PCDHGB1: variants seen among roughly 807,000 people sequenced by gnomAD.
PCDHGB1 encodes the protein protocadherin gamma-B1.
A neutral mutation model predicts 56.6 loss-of-function variants in PCDHGB1; 34 were observed. The ratio of observed to expected loss-of-function variants is 0.60; its 90% CI spans 0.46 to 0.80. The LOEUF (loss-of-function observed/expected upper bound fraction) is 0.80, where lower values mean the gene tolerates loss of function less well. Ranked by LOEUF, PCDHGB1 falls within the 30% of genes least tolerant of loss-of-function variation. The probability of loss-of-function intolerance (pLI) is 0.00; values close to 1 mark genes in which losing one functional copy is unlikely to be tolerated. For missense variants in PCDHGB1, 1,278 were observed against 1,204.6 expected (o/e 1.06, Z -0.90); for synonymous variants, 561 against 505.9 (o/e 1.11, Z -1.46).
chr5:141,374,065 A>G (rs776038796), intron 1 of PCDHGB1: 1 of 1,497,724 alleles, frequency 6.7e-7, no homozygotes, highest in Non-Finnish European at 8.9e-7. Flanking sequence ...ATCCCAGAGA[A>G]GTTCCTAATA....
intron 2 of PCDHGB1, among the ~76,000 whole-genome samples, chr5:141,503,010 A>T (rs1595838084): frequency 6.8e-6 from 1 of 146,772 alleles, no homozygotes; most frequent in East Asian, 2.0e-4. Context: ...TGCCCGGTTA[A>T]TTTTTTTTTT....
At chr5:141,480,715 G>A (rs906358826) in intron 1 of PCDHGB1, among the ~76,000 whole-genome samples, 1 of 152,124 alleles carries the variant, frequency 6.6e-6, no homozygotes, top group African/African-American at 2.4e-5. Flanking sequence ...ACAAATGAAA[G>A]CACAGTCTCT....
At chr5:141,411,215 A>C (rs1202378654) in intron 1 of PCDHGB1, 1 of 152,270 alleles carries the variant, frequency 6.6e-6, no homozygotes, top group Non-Finnish European at 1.5e-5. Context: ...TAACCTATCT[A>C]TTCAAATTTG....
intron 1 of PCDHGB1, chr5:141,389,657 G>C (rs372714152): frequency 8.1e-6 from 13 of 1,612,432 alleles, no homozygotes; most frequent in African/African-American, 2.7e-5. Context: ...AGGTAGTGGC[G>C]GTGGACGCAG....
Position 141,351,237 on chromosome 5 carries a change from A to T in PCDHGB1, c.977A>T (p.His326Leu). 1 of 1,613,758 alleles carries T rather than the reference A, an allele frequency of 6.2e-7. No individual in the cohort carries two copies. The highest frequency in any genetic ancestry group is 8.5e-7 in the Non-Finnish European group (1 of 1,179,646). The change falls in exon 1 of 4, where the codon CAC becomes CTC. Residue 326 changes from histidine to leucine, a missense_variant. Coordinates refer to ENST00000523390, the MANE Select transcript of PCDHGB1 (RefSeq NM_018922.3). ...AAGGATGGAGGAGTACACACAGCTC[A>T]CTGTAATGTTCAAATAGAAATTGTT... ...EAKDGGVHTA[H>L]CNVQIEIVDE...
chr5:141,454,563 C>T (rs1056296059), intron 1 of PCDHGB1, among the ~76,000 whole-genome samples: 46 of 151,960 alleles, frequency 3.0e-4, no homozygotes, highest in Non-Finnish European at 4.9e-4. Context: ...TGTGCCACCA[C>T]GCCCGGCTAA....
chr5:141,390,446 G>A, intron 1 of PCDHGB1: 1 of 862,526 alleles, frequency 1.2e-6, no homozygotes, highest in Non-Finnish European at 1.7e-6. Context: ...CTACAAAGGA[G>A]GAGTAAAGTA....
chr5:141,432,964 G>A lies in PCDHGB1; in HGVS notation c.2410-61843G>A, dbSNP rs2097554835. On this transcript the variant is annotated intron_variant, in intron 1 of 3. Transcript: ENST00000523390. This position sits in a 1 kb window ranked among gnomAD's most constrained non-coding sequence, Gnocchi z 6.0. Reference sequence around the variant, plus strand: ...CTTCAGGAGGCGGCTTGACAGGAGCGCCGGCGTCGCACTTTGTGGGCGTGG... The same window carrying A: ...CTTCAGGAGGCGGCTTGACAGGAGCACCGGCGTCGCACTTTGTGGGCGTGG... The A allele has an allele frequency of 6.2e-7, 1 of 1,614,044 alleles. No homozygotes were observed. Among genetic ancestry groups the A allele is most frequent in the African/African-American group, 1.3e-5 (1 of 74,934 alleles).
intron 1 of PCDHGB1, among the ~76,000 whole-genome samples, chr5:141,469,206 A>T (rs752389937): frequency 6.6e-6 from 1 of 150,920 alleles, no homozygotes; most frequent in African/African-American, 2.4e-5. Flanking sequence ...AGCCTTTTGA[A>T]GTTGAGGCTT....
intron 1 of PCDHGB1, chr5:141,414,168 T>C: frequency 6.2e-7 from 1 of 1,605,598 alleles, no homozygotes; most frequent in Non-Finnish European, 8.5e-7. Context: ...GAGGAGCATA[T>C]CTTGCAACTG....
Position 141,432,093 on chromosome 5 carries a change from C to G in PCDHGB1, c.2410-62714C>G. On this transcript the variant is annotated intron_variant, in intron 1 of 3. Coordinates refer to ENST00000523390, the MANE Select transcript of PCDHGB1 (RefSeq NM_018922.3). This position sits in a 1 kb window ranked among gnomAD's most constrained non-coding sequence, Gnocchi z 6.0. ...CATATCTCGCTGAACGTGGCAGACA[C>G]CAACGACAACCCGCCGGTCTTCCCT... 1 of 1,614,170 alleles carries G rather than the reference C, an allele frequency of 6.2e-7. No individual in the cohort carries two copies. The highest frequency in any genetic ancestry group is 8.5e-7 in the Non-Finnish European group (1 of 1,180,046).
chr5:141,409,700 G>GCGGTGT (rs1561722150), intron 1 of PCDHGB1: 2 of 1,613,280 alleles, frequency 1.2e-6, no homozygotes, highest in Admixed American at 3.3e-5. Flanking sequence ...AGAGCCCCTG[G>GCGGTGT]CGGTGTCGTC....
intron 1 of PCDHGB1, chr5:141,359,935 G>A: frequency 4.3e-6 from 2 of 465,926 alleles, no homozygotes; most frequent in South Asian, 7.9e-5. Flanking sequence ...ACCTCTGAGC[G>A]TCGCTGTTGG....
intron 1 of PCDHGB1, among the ~76,000 whole-genome samples, chr5:141,492,148 G>C (rs2099737507): frequency 6.6e-6 from 1 of 152,202 alleles, no homozygotes; most frequent in Admixed American, 6.5e-5. Flanking sequence ...TGACTTCACT[G>C]TTACCCTCCC....
rs146734417 is a variant in PCDHGB1, at chr5:141,431,409, G to T, written c.2410-63398G>T. The T allele has an allele frequency of 1.9e-6, 3 of 1,613,722 alleles. No homozygotes were observed. Among genetic ancestry groups the T allele is most frequent in the Non-Finnish European group, 2.5e-6 (3 of 1,180,048 alleles). On this transcript the variant is annotated intron_variant, in intron 1 of 3. Transcript: ENST00000523390. This position sits in a 1 kb window ranked among gnomAD's most constrained non-coding sequence, Gnocchi z 4.8. Reference sequence around the variant, plus strand: ...CACCTGGTCCTTACGGCCTCCGACGGGGGCGACCCGGTGCGCACAGGCACC... The same window carrying T: ...CACCTGGTCCTTACGGCCTCCGACGTGGGCGACCCGGTGCGCACAGGCACC...
At chr5:141,510,358 C>T (rs186470331) in intron 3 of PCDHGB1, among the ~76,000 whole-genome samples, 187 of 144,062 alleles carry the variant, frequency 1.3e-3, no homozygotes, top group African/African-American at 4.6e-3. Context: ...ACTAACGGAA[C>T]TACCGAATCT....
rs1562144438 is a variant in PCDHGB1, at chr5:141,491,135, G to T, written c.2410-3672G>T. The T allele has an allele frequency of 6.2e-7, 1 of 1,613,986 alleles. No individual in the cohort carries two copies. Among genetic ancestry groups the T allele is most frequent in the Non-Finnish European group, 8.5e-7 (1 of 1,180,000 alleles). On this transcript the variant is annotated intron_variant, in intron 1 of 3. Transcript: ENST00000523390. This position sits in a 1 kb window ranked among gnomAD's most constrained non-coding sequence, Gnocchi z 6.9. ...CACACTGGTGAGGTGCGCACAGCCC[G>T]GGCCTTACTGGAGGATGACTCTGAC...
At chr5:141,451,712 C>G (rs769620335) in intron 1 of PCDHGB1, among the ~76,000 whole-genome samples, 2 of 151,994 alleles carry the variant, frequency 1.3e-5, no homozygotes, top group African/African-American at 4.8e-5. Context: ...CAAAACCCTG[C>G]CTCTACTAAA....
In PCDHGB1 at chr5:141,489,423, C is replaced by A. The variant is rs754178145; in HGVS notation, c.2410-5384C>A. 7.4e-6 allele frequency: 12 copies of A among 1,613,982 alleles called. No homozygotes were observed. Among genetic ancestry groups the A allele is most frequent in the Non-Finnish European group, 1.0e-5 (12 of 1,180,044 alleles). On this transcript the variant is annotated intron_variant, in intron 1 of 3. Transcript: ENST00000523390. The surrounding 1 kb of genome is among the most constrained non-coding windows in gnomAD (Gnocchi z 4.5). Reference sequence around the variant, plus strand: ...GCTTAAAGATGACAGATCTGTTGAGCCGGCGGCTGCAATTGGGCTCTGAGG... The same window carrying A: ...GCTTAAAGATGACAGATCTGTTGAGACGGCGGCTGCAATTGGGCTCTGAGG...
Sources: allele counts gnomAD v4.1 joint callset (sites outside exome capture counted in the v4.1 genomes callset), GRCh38; gene constraint gnomAD v4.1.1; non-coding constraint Gnocchi (gnomAD v3.1); transcripts MANE v1.5; gene names NCBI Gene and HGNC (gene_info 2026-07-23, HGNC 2026-07-21).